Variants in FBXL17 observed in about 807,000 individuals in gnomAD.
FBXL17 encodes the protein F-box/LRR-repeat protein 17.
FBXL17 carries 22 observed loss-of-function variants against 66.2 expected under a neutral mutation model. The ratio of observed to expected loss-of-function variants is 0.33; its 90% CI spans 0.24 to 0.47. FBXL17 has a LOEUF of 0.47. FBXL17 is among the 20% of genes least tolerant of loss of function. The pLI, the probability that FBXL17 is intolerant of heterozygous loss-of-function variation, is 1.00. For missense variants in FBXL17, 878 were observed against 948.2 expected, an observed-to-expected ratio of 0.93 and a Z score of 0.97; for synonymous variants, 474 against 400.5, an observed-to-expected ratio of 1.18 and a Z score of -2.19.
At position 108,277,951 on chromosome 5, in the gene FBXL17, G is replaced by A. The variant is rs141064077; in HGVS notation, c.1507-53723C>T. 2.0e-5 allele frequency among the ~76,000 whole-genome samples: 3 copies of A among 152,274 alleles called. No individual in the cohort carries two copies. In the East Asian group the frequency reaches 5.8e-4, roughly 29 times the overall value. ...ATTTCAAGCATGCCTCATTTGCTTA[G>A]AAGACCCAAATCATGTGTAGACAAT... On this transcript the variant is annotated intron_variant, in intron 4 of 8. Coordinates refer to ENST00000542267, the MANE Select transcript of FBXL17 (RefSeq NM_001163315.3).
At position 108,024,650 on chromosome 5, in the gene FBXL17, C is replaced by CAT. The variant is rs570936499; in HGVS notation, c.1746-3651_1746-3650dup. On this transcript the variant is annotated intron_variant, in intron 6 of 8. Transcript: ENST00000542267. The stretch of plus-strand genomic sequence containing the variant: ...ATTCTTGAGTAACAGCTGTTGAGTA[C>CAT]ATATATATAAACTCTTTTGGAATAC... Among the ~76,000 whole-genome samples, 120 of 152,068 alleles carry CAT rather than the reference C, an allele frequency of 7.9e-4. 2 individuals carry two copies. In the Middle Eastern group the frequency reaches 0.014, roughly 17 times the overall value.
rs1748124927 is a variant in FBXL17, at chr5:107,861,660, A to G, written c.*60T>C. 2.1e-6 allele frequency: 3 copies of G among 1,424,114 alleles called. No homozygotes were observed. The highest frequency in any genetic ancestry group is 2.8e-6 in the Non-Finnish European group (3 of 1,074,528). 88.2% of individuals were successfully genotyped at this position (1,424,114 alleles called of 1,614,324 possible). On this transcript the variant is annotated 3_prime_UTR_variant, in exon 9 of 9. Coordinates refer to ENST00000542267, the MANE Select transcript of FBXL17 (RefSeq NM_001163315.3). ...ACCCTTCCGAGAGATCAGCTCCCCA[A>G]ATGTACAATTCTCCTCTGCTCTGCT...
At chr5:107,868,463 A>T (rs1330002726) in intron 8 of FBXL17, among the ~76,000 whole-genome samples, 1 of 152,238 alleles carries the variant, frequency 6.6e-6, no homozygotes, top group Admixed American at 6.5e-5. Context: ...TTGAAGCATG[A>T]TGGAAATGCG....
At chr5:108,170,415 T>G (rs1354372713) in intron 6 of FBXL17, among the ~76,000 whole-genome samples, 1 of 152,226 alleles carries the variant, frequency 6.6e-6, no homozygotes, top group Non-Finnish European at 1.5e-5. Context: ...GTACTGTCAC[T>G]AAGGTATTAG....
intron 5 of FBXL17, among the ~76,000 whole-genome samples, chr5:108,211,290 C>T (rs1036376850): frequency 6.6e-6 from 1 of 152,142 alleles, no homozygotes; most frequent in African/African-American, 2.4e-5. Flanking sequence ...ATTTGCCAGT[C>T]TGTGTCTTTT....
intron 7 of FBXL17, among the ~76,000 whole-genome samples, chr5:108,013,584 C>T (rs288181): frequency 0.3 from 45,422 of 152,030 alleles, 7,296 homozygotes; most frequent in East Asian, 0.54. Flanking sequence ...ATGTCATAGG[C>T]AGAAAATTTT....
chr5:107,948,768 T>C (rs1450398584), intron 7 of FBXL17, among the ~76,000 whole-genome samples: 4 of 152,226 alleles, frequency 2.6e-5, no homozygotes, highest in Non-Finnish European at 5.9e-5. Flanking sequence ...GACCTCTCTT[T>C]ACAGTATAAA....
chr5:107,940,035 C>G (rs982881490), intron 7 of FBXL17, among the ~76,000 whole-genome samples: 3 of 152,120 alleles, frequency 2.0e-5, no homozygotes, highest in Non-Finnish European at 2.9e-5. Flanking sequence ...GCCACTCTGA[C>G]TAGCATCTCA....
At chr5:108,293,417 A>G (rs1302887815) in intron 4 of FBXL17, among the ~76,000 whole-genome samples, 1 of 152,130 alleles carries the variant, frequency 6.6e-6, no homozygotes, top group African/African-American at 2.4e-5. Context: ...GACATGTGTA[A>G]TTTTATTCCT....
intron 1 of FBXL17, among the ~76,000 whole-genome samples, chr5:108,373,680 C>T (rs939466657): frequency 3.9e-5 from 6 of 152,232 alleles, no homozygotes; most frequent in Middle Eastern, 3.4e-3. Flanking sequence ...TTTTGGGAGG[C>T]TGTGTTGAGT....
At chr5:108,085,602 T>A (rs1487177852) in intron 6 of FBXL17, among the ~76,000 whole-genome samples, 3 of 152,154 alleles carry the variant, frequency 2.0e-5, no homozygotes, top group Admixed American at 2.0e-4. Flanking sequence ...ACATGACACC[T>A]CAGTGTATGG....
intron 4 of FBXL17, among the ~76,000 whole-genome samples, chr5:108,340,941 T>A (rs752826459): frequency 6.6e-6 from 1 of 152,168 alleles, no homozygotes; most frequent in African/African-American, 2.4e-5. Flanking sequence ...AGAGAGTGAT[T>A]TGACATGATA....
chr5:108,174,273 G>A (rs1752710726), intron 6 of FBXL17, among the ~76,000 whole-genome samples: 2 of 151,978 alleles, frequency 1.3e-5, no homozygotes, highest in African/African-American at 2.4e-5. Context: ...TTATTTCAAA[G>A]TACTATATGG....
chr5:107,890,571 G>C (rs968513874), intron 7 of FBXL17, among the ~76,000 whole-genome samples: 6 of 151,994 alleles, frequency 3.9e-5, no homozygotes, highest in African/African-American at 1.4e-4. Flanking sequence ...GGCTGAGGCG[G>C]GAGGACTGCT....
At chr5:108,064,997 C>T (rs765867863) in intron 6 of FBXL17, among the ~76,000 whole-genome samples, 14 of 152,016 alleles carry the variant, frequency 9.2e-5, no homozygotes, top group Non-Finnish European at 1.9e-4. Flanking sequence ...ATAAAAGCTA[C>T]AACAGTTAAG....
intron 6 of FBXL17, among the ~76,000 whole-genome samples, chr5:108,123,566 G>C (rs1750584591): frequency 6.6e-6 from 1 of 152,190 alleles, no homozygotes; most frequent in Non-Finnish European, 1.5e-5. Flanking sequence ...ATATCACTGA[G>C]TCTTTTCCTT....
At chr5:108,146,787 C>A (rs1751578541) in intron 6 of FBXL17, among the ~76,000 whole-genome samples, 2 of 152,168 alleles carry the variant, frequency 1.3e-5, no homozygotes, top group South Asian at 2.1e-4. Flanking sequence ...AGGCTAGGGA[C>A]CCCCCAGACA....
At chr5:108,101,053 A>G (rs987787889) in intron 6 of FBXL17, among the ~76,000 whole-genome samples, 1 of 152,238 alleles carries the variant, frequency 6.6e-6, no homozygotes, top group African/African-American at 2.4e-5. Context: ...TCCAGCTTAA[A>G]GAGTTTGCTC....
intron 6 of FBXL17, among the ~76,000 whole-genome samples, chr5:108,159,780 A>G (rs1416121697): frequency 6.6e-6 from 1 of 152,208 alleles, no homozygotes; most frequent in Non-Finnish European, 1.5e-5. Flanking sequence ...ATTAATGAAA[A>G]TATCTCATTT....
Sources: gnomAD v4.1 joint callset for allele counts (sites outside exome capture counted in the v4.1 genomes callset) on GRCh38, gnomAD v4.1.1 for gene constraint, MANE v1.5 for transcripts, NCBI Gene and HGNC (gene_info 2026-07-23, HGNC 2026-07-21) for gene names.